Variants in SPHKAP observed in about 807,000 individuals in gnomAD.
SPHKAP encodes A-kinase anchor protein SPHKAP.
In SPHKAP, 67 loss-of-function variants were observed where a neutral mutation model predicts 137.5. That is an observed-to-expected ratio of 0.49 (90% CI 0.40 to 0.60). SPHKAP has a LOEUF of 0.60. Among genes scored for constraint, SPHKAP ranks in the 20% least tolerant of loss-of-function variants. The pLI, the probability that SPHKAP is intolerant of heterozygous loss-of-function variation, is 0.00. For missense variants in SPHKAP, 2,097 were observed against 2,069.3 expected (o/e 1.01, Z -0.26); for synonymous variants, 813 against 785.3 (o/e 1.04, Z -0.59).
At chr2:228,022,727 A>G (rs1263050252) in intron 5 of SPHKAP, among the ~76,000 whole-genome samples, 4 of 152,134 alleles carry the variant, frequency 2.6e-5, no homozygotes, top group African/African-American at 9.7e-5. Context: ...GTCAGGAAGG[A>G]GCCTGTCTAA....
At chr2:228,153,334 T>C (rs1385972074) in intron 1 of SPHKAP, among the ~76,000 whole-genome samples, 1 of 152,238 alleles carries the variant, frequency 6.6e-6, no homozygotes, top group Non-Finnish European at 1.5e-5. Flanking sequence ...TCATTTTTTA[T>C]TTCTTTTTGT....
rs745821463 is a variant in SPHKAP, at chr2:228,018,738, T to G, written c.2116A>C (p.Met706Leu). Residue 706 changes from methionine to leucine, a missense_variant, in exon 7 of 12, where the codon ATG (methionine) becomes CTG (leucine). Transcript: ENST00000392056. ...RHSSEILDTL[M>L]ESTNQLLLDV... Reference sequence around the variant, plus strand: ...AAAAGCAGTTGATTTGTACTTTCCATTAAGGTGTCCAGAATTTCAGATGAA... The same window carrying G: ...AAAAGCAGTTGATTTGTACTTTCCAGTAAGGTGTCCAGAATTTCAGATGAA... 30 of 1,614,196 alleles carry G rather than the reference T, an allele frequency of 1.9e-5. No homozygotes were observed. The highest frequency in any genetic ancestry group is 2.4e-5 in the Non-Finnish European group (28 of 1,180,032).
At position 228,016,440 on chromosome 2, in the gene SPHKAP, CA is replaced by C; in HGVS notation, c.4413del (p.Gly1472GlufsTer5). 1.2e-6 allele frequency: 2 copies of C among 1,608,560 alleles called. No homozygotes were observed. Among genetic ancestry groups the C allele is most frequent in the Non-Finnish European group, 1.7e-6 (2 of 1,177,974 alleles). ...NDKNIPDVVRGGDTAVSACQI... is the reference protein window; with the variant it reads ...NDKNIPDVVRXGDTAVSACQI... ...TGACAAGCGCTCACGGCTGTGTCTC[CA>C]CCTCTCACCACATCTGGGATGTTTT... On this transcript the variant is annotated frameshift_variant, in exon 7 of 12. Transcript: ENST00000392056. LOFTEE classifies it high-confidence loss of function.
chr2:228,070,192 G>C (rs1408357609), intron 3 of SPHKAP, among the ~76,000 whole-genome samples: 1 of 152,136 alleles, frequency 6.6e-6, no homozygotes, highest in African/African-American at 2.4e-5. Flanking sequence ...AACATAAACA[G>C]TGGATTGACA....
chr2:228,111,600 T>C (rs1464093225), intron 2 of SPHKAP, among the ~76,000 whole-genome samples: 1 of 152,230 alleles, frequency 6.6e-6, no homozygotes, highest in Non-Finnish European at 1.5e-5. Flanking sequence ...CTACTATTTT[T>C]GCATGCTTAG....
chr2:228,167,222 A>G (rs975339898), intron 1 of SPHKAP, among the ~76,000 whole-genome samples: 1 of 152,144 alleles, frequency 6.6e-6, no homozygotes, highest in African/African-American at 2.4e-5. Context: ...TCTTTCTTGG[A>G]TACTTTTTAT....
At chr2:228,158,300 T>A (rs1212990664) in intron 1 of SPHKAP, among the ~76,000 whole-genome samples, 2 of 150,806 alleles carry the variant, frequency 1.3e-5, no homozygotes, top group African/African-American at 4.9e-5. Context: ...ATATATAAGA[T>A]AATTGTAATT....
chr2:228,001,192 T>C (rs963640720), intron 7 of SPHKAP, among the ~76,000 whole-genome samples: 2 of 149,856 alleles, frequency 1.3e-5, no homozygotes, highest in Admixed American at 1.3e-4. Flanking sequence ...TGGTGAAGTG[T>C]CTCTTCAGGC....
At chr2:228,038,619 G>A (rs1277536706) in intron 3 of SPHKAP, among the ~76,000 whole-genome samples, 1 of 152,158 alleles carries the variant, frequency 6.6e-6, no homozygotes, top group Non-Finnish European at 1.5e-5. Flanking sequence ...TTTTAAGTAT[G>A]TATTTTTACA....
intron 7 of SPHKAP, chr2:227,995,922 C>A (rs566595691): frequency 1.0e-6 from 1 of 980,028 alleles, no homozygotes; most frequent in East Asian, 1.1e-4. Flanking sequence ...TCTACTGACT[C>A]CCTCCAATCA....
intron 3 of SPHKAP, among the ~76,000 whole-genome samples, chr2:228,082,359 ATATG>A (rs1697390838): frequency 6.6e-6 from 1 of 152,178 alleles, no homozygotes; most frequent in South Asian, 2.1e-4. Flanking sequence ...TTCACTTACA[ATATG>A]TATTCCAGCT....
chr2:228,084,790 G>A (rs768670217), intron 3 of SPHKAP, among the ~76,000 whole-genome samples: 3 of 152,172 alleles, frequency 2.0e-5, no homozygotes, highest in Non-Finnish European at 4.4e-5. Context: ...CTTAGGTGAA[G>A]AATGAGAAAG....
intron 7 of SPHKAP, among the ~76,000 whole-genome samples, chr2:227,997,592 T>C (rs1574721893): frequency 6.6e-6 from 1 of 152,280 alleles, no homozygotes; most frequent in African/African-American, 2.4e-5. Context: ...AAGAATCACG[T>C]CTAATAACAC....
In SPHKAP at chr2:228,046,598, A is replaced by G. The variant is rs952626059; in HGVS notation, c.247-19055T>C. On this transcript the variant is annotated intron_variant, in intron 3 of 11. Transcript: ENST00000392056. ...ATCATTGACAGCTACAGGATAGGGA[A>G]CTGAGTTTTTTGTTTGTTTCTTTCA... Among the ~76,000 whole-genome samples, 6 of 152,132 alleles carry G rather than the reference A, an allele frequency of 3.9e-5. No individual in the cohort carries two copies. In the South Asian group the frequency reaches 1.2e-3, roughly 31 times the overall value.
chr2:228,043,852 CATA>C (rs1275886181), intron 3 of SPHKAP, among the ~76,000 whole-genome samples: 1 of 151,986 alleles, frequency 6.6e-6, no homozygotes, highest in Non-Finnish European at 1.5e-5. Context: ...AGTAATAAAA[CATA>C]ATAACATCTA....
intron 3 of SPHKAP, among the ~76,000 whole-genome samples, chr2:228,095,020 C>G (rs997364137): frequency 2.6e-5 from 4 of 151,992 alleles, no homozygotes; most frequent in Non-Finnish European, 5.9e-5. Context: ...ATTGCAAAAT[C>G]AAAACAGCTT....
intron 3 of SPHKAP, among the ~76,000 whole-genome samples, chr2:228,038,974 G>T (rs1287498943): frequency 6.6e-6 from 1 of 152,202 alleles, no homozygotes; most frequent in African/African-American, 2.4e-5. Flanking sequence ...CCAGTACTTA[G>T]ATTGGCTTCG....
At chr2:228,131,130 T>G (rs1277258090) in intron 2 of SPHKAP, 5 of 171,026 alleles carry the variant, frequency 2.9e-5, no homozygotes, top group African/African-American at 7.2e-5. Context: ...TATGTGTAGA[T>G]ATATATGCAT....
chr2:228,079,442 G>A (rs1235866702), intron 3 of SPHKAP, among the ~76,000 whole-genome samples: 1 of 152,204 alleles, frequency 6.6e-6, no homozygotes, highest in Non-Finnish European at 1.5e-5. Context: ...GTCTGCTCCA[G>A]TAGACCCTAG....
Sources: allele counts gnomAD v4.1 joint callset (sites outside exome capture counted in the v4.1 genomes callset), GRCh38; gene constraint gnomAD v4.1.1; transcripts MANE v1.5; gene names NCBI Gene and HGNC (gene_info 2026-07-23, HGNC 2026-07-21).